The following SEPTIN9 variants were observed in gnomAD, a reference collection of about 807,000 sequenced individuals.
The protein encoded by SEPTIN9 is septin-9.
Under a neutral mutation model 56.6 loss-of-function variants are expected in SEPTIN9, and 13 were observed. That is an observed-to-expected ratio of 0.23 (90% CI 0.15 to 0.37). The LOEUF (loss-of-function observed/expected upper bound fraction) is 0.37, where lower values mean the gene tolerates loss of function less well. Ranked by LOEUF, SEPTIN9 falls within the 10% of genes least tolerant of loss-of-function variation. SEPTIN9 has a pLI of 1.00. For synonymous variants in SEPTIN9, 332 were observed against 334.1 expected (o/e 0.99, Z 0.07); for missense variants, 650 against 823.1 (o/e 0.79, Z 2.57).
rs539252609 is a variant in SEPTIN9, at chr17:77,394,576, A to G, written c.77-7483A>G. 5.3e-5 allele frequency among the ~76,000 whole-genome samples: 8 copies of G among 152,312 alleles called. No individual in the cohort carries two copies. In the South Asian group the frequency reaches 1.4e-3, roughly 28 times the overall value. ...GGCAGAGGCCACGTTGCTCCCTCCT[A>G]CGAGAGCTGAGCTGCGCATGAGATT... On this transcript the variant is annotated intron_variant, in intron 2 of 11. Transcript: ENST00000427177.
chr17:77,307,267 G>T, intron 2 of SEPTIN9, 70 bp downstream of exon 2: 1 of 1,405,030 alleles, frequency 7.1e-7, no homozygotes, highest in African/African-American at 1.4e-5. Flanking sequence ...CCTTCATTCT[G>T]GTCTGGGACC....
chr17:77,282,697 G>A (rs952152606), intron 1 of SEPTIN9, among the ~76,000 whole-genome samples: 8 of 152,226 alleles, frequency 5.3e-5, no homozygotes, highest in African/African-American at 1.9e-4. Flanking sequence ...TCACCCGGTT[G>A]TTGCGAACAA....
chr17:77,485,003 G>T (rs2039674025), intron 4 of SEPTIN9, among the ~76,000 whole-genome samples: 1 of 145,816 alleles, frequency 6.9e-6, no homozygotes, highest in Non-Finnish European at 1.5e-5. Flanking sequence ...GGTGGTGAAG[G>T]GGGTGATGGT....
At chr17:77,454,760 G>A (rs1162489971) in intron 3 of SEPTIN9, among the ~76,000 whole-genome samples, 2 of 152,246 alleles carry the variant, frequency 1.3e-5, no homozygotes, top group Non-Finnish European at 2.9e-5. Flanking sequence ...ACCGGGCCCC[G>A]GAGCGGGTGC....
chr17:77,341,562 G>A (rs2033725039), intron 2 of SEPTIN9, among the ~76,000 whole-genome samples: 1 of 151,578 alleles, frequency 6.6e-6, no homozygotes, highest in African/African-American at 2.4e-5. Flanking sequence ...ATCACCTGAG[G>A]TCAGGAGTTT....
At chr17:77,489,299 T>C (rs930150256) in intron 7 of SEPTIN9, among the ~76,000 whole-genome samples, 1 of 152,212 alleles carries the variant, frequency 6.6e-6, no homozygotes, top group African/African-American at 2.4e-5. Context: ...AGATCAGTGC[T>C]GGCCCCTTCC....
intron 3 of SEPTIN9, among the ~76,000 whole-genome samples, chr17:77,412,738 A>G (rs1317997458): frequency 6.6e-6 from 1 of 151,590 alleles, no homozygotes; most frequent in Non-Finnish European, 1.5e-5. Flanking sequence ...AAAAAAAAAG[A>G]GTTATTTGTA....
chr17:77,282,455 C>G (rs1233195269), intron 1 of SEPTIN9, among the ~76,000 whole-genome samples: 2 of 152,094 alleles, frequency 1.3e-5, no homozygotes, highest in Non-Finnish European at 2.9e-5. Flanking sequence ...AGAAAGGTAC[C>G]TGCCAAGGAT....
At position 77,330,779 on chromosome 17, in the gene SEPTIN9, G is replaced by T. The variant is rs1475584853; in HGVS notation, c.76+23582G>T. On this transcript the variant is annotated intron_variant, in intron 2 of 11. Transcript: ENST00000427177. This position sits in a 1 kb window ranked among gnomAD's most constrained non-coding sequence, Gnocchi z 4.4. ...CAGCAGAAGGGAACCCCGGGCCTGG[G>T]CCTCTCCATTCTGTGGCGTTGTCTT... Among the ~76,000 whole-genome samples, 8 of 152,370 alleles carry T rather than the reference G, an allele frequency of 5.3e-5. No individual in the cohort carries two copies. Among genetic ancestry groups the T allele is most frequent in the African/African-American group, 1.4e-4 (6 of 41,588 alleles).
chr17:77,446,737 C>T lies in SEPTIN9; in HGVS notation c.722-35407C>T, dbSNP rs532046031. 3 of 167,146 alleles carry T rather than the reference C, an allele frequency of 1.8e-5. No homozygotes were observed. In the South Asian group the frequency reaches 6.2e-4, roughly 35 times the overall value. 10.4% of individuals were successfully genotyped at this position (167,146 alleles called of 1,614,324 possible). Reference sequence around the variant, plus strand: ...CATCTTCAGTTACATCTACAGAGTCCCTGTTGCCACATGAGGTAACACAGT... The same window carrying T: ...CATCTTCAGTTACATCTACAGAGTCTCTGTTGCCACATGAGGTAACACAGT... On this transcript the variant is annotated intron_variant, in intron 3 of 11. Transcript: ENST00000427177.
chr17:77,388,330 G>C (rs1334374840), intron 2 of SEPTIN9, among the ~76,000 whole-genome samples: 1 of 152,060 alleles, frequency 6.6e-6, no homozygotes, highest in African/African-American at 2.4e-5. Context: ...ACCCCTTCTG[G>C]AATCTTCTGC....
chr17:77,474,142 C>T (rs895101265), intron 3 of SEPTIN9, among the ~76,000 whole-genome samples: 1 of 152,232 alleles, frequency 6.6e-6, no homozygotes, highest in Non-Finnish European at 1.5e-5. Flanking sequence ...CCTGGGGCGG[C>T]CTCCTGGAGG....
At chr17:77,361,780 C>T (rs2034425087) in intron 2 of SEPTIN9, among the ~76,000 whole-genome samples, 1 of 152,126 alleles carries the variant, frequency 6.6e-6, no homozygotes, top group African/African-American at 2.4e-5. Flanking sequence ...CTACAGGCGC[C>T]TGCCACCGCG....
Position 77,402,425 on chromosome 17 carries a change from G to A in SEPTIN9, c.443G>A (p.Arg148Gln), listed in dbSNP as rs755551840. The change falls in exon 3 of 12, where the codon CGG (arginine) becomes CAG (glutamine). Residue 148 changes from arginine (R) to glutamine (Q), a missense_variant. Coordinates refer to ENST00000427177, the MANE Select transcript of SEPTIN9 (RefSeq NM_001113491.2). This position sits in a 1 kb window ranked among gnomAD's most constrained non-coding sequence, Gnocchi z 6.6. ...CACAAGACGCCAGAACCGGCCCCTC[G>A]GAGGACGGAGATCACCATCGTCAAA... ...LGHKTPEPAPRRTEITIVKPQ... is the reference protein window; with the variant it reads ...LGHKTPEPAPQRTEITIVKPQ... 57 of 1,610,464 alleles carry A rather than the reference G, an allele frequency of 3.5e-5. No homozygotes were observed. The highest frequency in any genetic ancestry group is 1.1e-4 in the East Asian group (5 of 44,782).
At chr17:77,335,071 A>G (rs2033493486) in intron 2 of SEPTIN9, among the ~76,000 whole-genome samples, 1 of 151,694 alleles carries the variant, frequency 6.6e-6, no homozygotes, top group Non-Finnish European at 1.5e-5. Flanking sequence ...GTCCTGTATT[A>G]GTATATACAT....
At chr17:77,309,060 G>A (rs552467027) in intron 2 of SEPTIN9, among the ~76,000 whole-genome samples, 38 of 152,350 alleles carry the variant, frequency 2.5e-4, no homozygotes, top group African/African-American at 8.2e-4. Flanking sequence ...GCTTTTCTCC[G>A]GCTCCGCATC....
chr17:77,440,291 A>T (rs1326544159), intron 3 of SEPTIN9, among the ~76,000 whole-genome samples: 3 of 151,860 alleles, frequency 2.0e-5, no homozygotes, highest in African/African-American at 7.3e-5. Context: ...AGTAGCTGGG[A>T]TTATAGGCGC....
chr17:77,445,221 G>A lies in SEPTIN9; in HGVS notation c.722-36923G>A, dbSNP rs898148590. On this transcript the variant is annotated intron_variant, in intron 3 of 11. Coordinates refer to ENST00000427177, the MANE Select transcript of SEPTIN9 (RefSeq NM_001113491.2). The surrounding 1 kb of genome is among the most constrained non-coding windows in gnomAD (Gnocchi z 4.7). The stretch of plus-strand genomic sequence containing the variant: ...TGGGTAGAAATGTGGGCTGCCTCGG[G>A]GCGTCACAGCTACAAATGCATACCA... 4.2e-6 allele frequency: 2 copies of A among 470,860 alleles called. No homozygotes were observed. Among genetic ancestry groups the A allele is most frequent in the African/African-American group, 4.0e-5 (2 of 50,066 alleles). 29.2% of individuals were successfully genotyped at this position (470,860 alleles called of 1,614,324 possible).
chr17:77,417,997 A>C (rs985599174), intron 3 of SEPTIN9, among the ~76,000 whole-genome samples: 1 of 152,180 alleles, frequency 6.6e-6, no homozygotes, highest in East Asian at 1.9e-4. Flanking sequence ...CCTGCCAGAC[A>C]CTGGGAGTGG....
Sources: allele counts gnomAD v4.1 joint callset (sites outside exome capture counted in the v4.1 genomes callset), GRCh38; gene constraint gnomAD v4.1.1; non-coding constraint Gnocchi (gnomAD v3.1); transcripts MANE v1.5; gene names NCBI Gene and HGNC (gene_info 2026-07-23, HGNC 2026-07-21).